MYO9B: variants seen among roughly 807,000 people sequenced by gnomAD.
MYO9B encodes myosin IXB.
MYO9B carries 71 observed loss-of-function variants against 229.5 expected under a neutral mutation model. The observed-to-expected ratio is 0.31, with a 90% CI of 0.26 to 0.38. MYO9B has a LOEUF of 0.38. Ranked by LOEUF, MYO9B falls within the 10% of genes least tolerant of loss-of-function variation. The pLI, the probability that MYO9B is intolerant of heterozygous loss-of-function variation, is 1.00. For missense variants in MYO9B, 2,255 were observed against 2,920.5 expected, an observed-to-expected ratio of 0.77 and a Z score of 5.25; for synonymous variants, 1,185 against 1,235.8, an observed-to-expected ratio of 0.96 and a Z score of 0.86.
intron 2 of MYO9B, among the ~76,000 whole-genome samples, chr19:17,113,655 C>T (rs572938275): frequency 9.2e-5 from 14 of 152,212 alleles, no homozygotes; most frequent in Middle Eastern, 6.8e-3. Context: ...CTGGGCACCC[C>T]GGGCACCACA....
intron 18 of MYO9B, among the ~76,000 whole-genome samples, chr19:17,186,278 G>A (rs2072918690): frequency 1.3e-5 from 2 of 152,304 alleles, no homozygotes; most frequent in Admixed American, 1.3e-4. Flanking sequence ...AGTAGCCGGT[G>A]CAAGGAGTCT....
At chr19:17,198,734 C>CA (rs59292415) in intron 24 of MYO9B, among the ~76,000 whole-genome samples, 1,900 of 39,582 alleles carry the variant, frequency 0.048, 48 homozygotes, top group African/African-American at 0.079. Context: ...GACTCCGTCT[C>CA]AAAAAAAAAA....
chr19:17,130,138 C>T (rs957961577), intron 2 of MYO9B, among the ~76,000 whole-genome samples: 1 of 152,146 alleles, frequency 6.6e-6, no homozygotes, highest in African/African-American at 2.4e-5. Flanking sequence ...TGTTACCAGG[C>T]ATTCCAACCA....
chr19:17,201,871 G>A, intron 26 of MYO9B, 55 bp from the exon 27 acceptor site: 2 of 1,361,842 alleles, frequency 1.5e-6, no homozygotes, highest in Non-Finnish European at 2.1e-6. Flanking sequence ...CACCTCCTCG[G>A]GTACGCAGGT....
chr19:17,184,901 A>T lies in MYO9B; in HGVS notation c.2410A>T (p.Ser804Cys), dbSNP rs201861279. 1.2e-4 allele frequency: 189 copies of T among 1,613,920 alleles called. 1 individual carries two copies. In the African/African-American group the frequency reaches 2.4e-3, roughly 20 times the overall value. Residue 804 changes from serine (S) to cysteine (C), a missense_variant, in exon 17 of 40, where the codon AGC becomes TGC. Physicochemically the swap from Ser to Cys is moderately radical, Grantham distance 112. Coordinates refer to ENST00000682292, the MANE Select transcript of MYO9B (RefSeq NM_004145.4). ...CTCCAAGTCCCTGAAACTCATCATC[A>T]GCATGACTCTGCACGACCGCACCAC... ...LDSKSLKLII[S>C]MTLHDRTTKS...
At chr19:17,098,344 C>T (rs1454578632) in intron 1 of MYO9B, among the ~76,000 whole-genome samples, 3 of 152,286 alleles carry the variant, frequency 2.0e-5, no homozygotes, top group East Asian at 3.9e-4. Flanking sequence ...CGTGAGCGAC[C>T]GCGCCTGGTC....
At chr19:17,160,510 CTTTT>C (rs34857957) in intron 8 of MYO9B, among the ~76,000 whole-genome samples, 2 of 128,166 alleles carry the variant, frequency 1.6e-5, no homozygotes, top group Non-Finnish European at 1.6e-5. Flanking sequence ...TCTTTTTTTT[CTTTT>C]TTTTTTTTTT....
At chr19:17,079,108 C>T (rs929654174) in intron 1 of MYO9B, among the ~76,000 whole-genome samples, 2 of 152,168 alleles carry the variant, frequency 1.3e-5, no homozygotes, top group African/African-American at 4.8e-5. Context: ...GCCATGGCCA[C>T]GTGTCCCCTG....
intron 11 of MYO9B, among the ~76,000 whole-genome samples, chr19:17,170,238 G>A (rs2072708104): frequency 6.6e-6 from 1 of 151,982 alleles, no homozygotes; most frequent in African/African-American, 2.4e-5. Flanking sequence ...TATGGAACTA[G>A]GTCCCACGCT....
At position 17,212,179 on chromosome 19, in the gene MYO9B, G is replaced by C. The variant is rs768505727; in HGVS notation, c.6343G>C (p.Gly2115Arg). The C allele has an allele frequency of 1.3e-6, 2 of 1,581,116 alleles. No individual in the cohort carries two copies. Among genetic ancestry groups the C allele is most frequent in the African/African-American group, 1.3e-5 (1 of 74,090 alleles). Residue 2115 changes from glycine (G) to arginine (R), a missense_variant, in exon 40 of 40, where the codon GGG becomes CGG. Physicochemically the swap from Gly to Arg is moderately radical, Grantham distance 125. Transcript: ENST00000682292. This position sits in a 1 kb window ranked among gnomAD's most constrained non-coding sequence, Gnocchi z 5.4. ...DQIHSVYITPGADLPVQGALE... is the reference protein window; with the variant it reads ...DQIHSVYITPRADLPVQGALE... ...GATACATTCCGTGTACATCACGCCC[G>C]GGGCAGACCTGCCAGTGCAGGGCGC...
chr19:17,206,890 AC>A, intron 34 of MYO9B, 106 bp downstream of exon 34: 2 of 1,266,130 alleles, frequency 1.6e-6, no homozygotes, highest in Non-Finnish European at 2.2e-6. Context: ...GTGGTTTCGA[AC>A]CAGGATGCAG....
chr19:17,076,063 T>G (rs1600002829), intron 1 of MYO9B, among the ~76,000 whole-genome samples, 189 bp downstream of exon 1: 1 of 128,248 alleles, frequency 7.8e-6, no homozygotes, highest in East Asian at 2.2e-4. Context: ...AAGGAGAAAG[T>G]GGATGGGGAT....
intron 18 of MYO9B, among the ~76,000 whole-genome samples, 193 bp from the exon 19 acceptor site, chr19:17,187,742 G>T (rs7249803): frequency 7.3e-5 from 11 of 151,634 alleles, no homozygotes; most frequent in Non-Finnish European, 1.3e-4. Context: ...CTGCCGTGCC[G>T]TAGAACACTC....
chr19:17,145,586 T>C (rs1481257254), intron 3 of MYO9B, 95 bp downstream of exon 3: 16 of 1,089,594 alleles, frequency 1.5e-5, no homozygotes, highest in Non-Finnish European at 5.6e-6. Context: ...AGATCATGGC[T>C]GTGTGGATGT....
intron 11 of MYO9B, 54 bp downstream of exon 11, chr19:17,168,118 A>C (rs1458531852): frequency 2.1e-5 from 33 of 1,596,866 alleles, no homozygotes; most frequent in Non-Finnish European, 2.6e-5. Context: ...GCACTGGGTC[A>C]GGTTCTGCAG....
chr19:17,210,541 G>A (rs2073215188), intron 37 of MYO9B, 161 bp downstream of exon 37: 2 of 1,239,176 alleles, frequency 1.6e-6, no homozygotes, highest in Admixed American at 2.9e-5. Context: ...TCTGTGCTCA[G>A]GACGACTAAT....
chr19:17,208,176 AAT>A (rs972011557), intron 35 of MYO9B, among the ~76,000 whole-genome samples: 7 of 145,870 alleles, frequency 4.8e-5, no homozygotes, highest in African/African-American at 1.0e-4. Context: ...AAAAATAAAA[AAT>A]ATATATATAA....
At chr19:17,149,998 G>A (rs183902359) in intron 3 of MYO9B, among the ~76,000 whole-genome samples, 3 of 152,186 alleles carry the variant, frequency 2.0e-5, no homozygotes, top group East Asian at 1.9e-4. Flanking sequence ...TTACTAGCCC[G>A]GCAAAGGAAT....
rs371994698 is a variant in MYO9B at position 17,094,191 on chromosome 19, A to G, written c.-58-7469A>G. ...GCTGGGATTACAGGCATGCGCCACC[A>G]TGCCTGGCTAATTTTGTATTTTTAG... On this transcript the variant is annotated intron_variant, in intron 1 of 39. Transcript: ENST00000682292. Among the ~76,000 whole-genome samples the G allele has an allele frequency of 2.9e-4, 44 of 152,170 alleles. No individual in the cohort carries two copies. In the East Asian group the frequency reaches 5.6e-3, roughly 19 times the overall value.
Sources: gnomAD v4.1 joint callset for allele counts (sites outside exome capture counted in the v4.1 genomes callset) on GRCh38, gnomAD v4.1.1 for gene constraint, Gnocchi (gnomAD v3.1) non-coding constraint, MANE v1.5 for transcripts, NCBI Gene and HGNC (gene_info 2026-07-23, HGNC 2026-07-21) for gene names.